Variants in RRBP1 observed in about 807,000 individuals in gnomAD.
The protein encoded by RRBP1 is ribosome binding protein 1.
A neutral mutation model predicts 165.2 loss-of-function variants in RRBP1; 94 were observed. The ratio of observed to expected loss-of-function variants is 0.57; its 90% CI spans 0.48 to 0.68. The LOEUF (loss-of-function observed/expected upper bound fraction) is 0.68, where lower values mean the gene tolerates loss of function less well. RRBP1 is among the 30% of genes least tolerant of loss of function. RRBP1 has a pLI of 0.00. For synonymous variants in RRBP1, 680 were observed against 714.5 expected, an observed-to-expected ratio of 0.95 and a Z score of 0.77; for missense variants, 1,676 against 1,763.0, an observed-to-expected ratio of 0.95 and a Z score of 0.88.
At chr20:17,674,393 G>A (rs970499352) in intron 2 of RRBP1, among the ~76,000 whole-genome samples, 1 of 152,182 alleles carries the variant, frequency 6.6e-6, no homozygotes, top group Admixed American at 6.5e-5. Context: ...TGAGGCAGGA[G>A]AGGAACCTTG....
At chr20:17,644,035 C>A (rs1479417173) in intron 3 of RRBP1, among the ~76,000 whole-genome samples, 2 of 148,842 alleles carry the variant, frequency 1.3e-5, no homozygotes, top group Non-Finnish European at 2.9e-5. Flanking sequence ...AGCAGCCCCT[C>A]AGCTGAGCCC....
chr20:17,662,821 G>C (rs1480283990), intron 2 of RRBP1, among the ~76,000 whole-genome samples: 2 of 151,926 alleles, frequency 1.3e-5, no homozygotes, highest in Non-Finnish European at 2.9e-5. Flanking sequence ...AACTCCTCTG[G>C]GTACTTACAA....
chr20:17,633,811 T>C (rs2036198613), intron 7 of RRBP1, among the ~76,000 whole-genome samples, 198 bp from the exon 8 acceptor site: 1 of 152,200 alleles, frequency 6.6e-6, no homozygotes, highest in African/African-American at 2.4e-5. Flanking sequence ...TTTACCTATA[T>C]AGTGCATGAA....
In RRBP1 at chr20:17,660,417, A is replaced by G. The variant is rs1004484269; in HGVS notation, c.91T>C (p.Phe31Leu). ...SAIGIFLVST[F>L]SMKETSYEEA... ...TCATATGACGTTTCCTTCATGGAGA[A>G]AGTCGACACCAGGAAGATGCCAATG... The change falls in exon 3 of 25, where the codon TTC becomes CTC. Residue 31 changes from phenylalanine (F) to leucine (L), a missense_variant. Physicochemically the swap from Phe to Leu is conservative, Grantham distance 22 (BLOSUM62 0). Coordinates refer to ENST00000377813, the MANE Select transcript of RRBP1 (RefSeq NM_001365613.2). The G allele has an allele frequency of 4.3e-6, 7 of 1,614,044 alleles. No individual in the cohort carries two copies. In the African/African-American group the frequency reaches 6.7e-5, roughly 15 times the overall value.
In RRBP1 at chr20:17,614,724, G is replaced by A. The variant is rs904250083; in HGVS notation, c.4194+13C>T. On this transcript the variant is annotated intron_variant, in intron 24 of 24. Coordinates refer to ENST00000377813, the MANE Select transcript of RRBP1 (RefSeq NM_001365613.2). ...TCGACTCCTCCCGCCCTGCTTTGGCGCCAGGCACGCACTGCCTTTTCCAGC... is the reference window on the plus strand; with the variant it reads ...TCGACTCCTCCCGCCCTGCTTTGGCACCAGGCACGCACTGCCTTTTCCAGC... The A allele has an allele frequency of 1.4e-5, 23 of 1,609,868 alleles. No individual in the cohort carries two copies. The highest frequency in any genetic ancestry group is 2.2e-5 in the East Asian group (1 of 44,884).
intron 3 of RRBP1, among the ~76,000 whole-genome samples, chr20:17,650,285 C>A (rs554379512): frequency 6.6e-6 from 1 of 152,186 alleles, no homozygotes; most frequent in Non-Finnish European, 1.5e-5. Flanking sequence ...TATCTGACAA[C>A]GTGGCAAGAA....
intron 1 of RRBP1, among the ~76,000 whole-genome samples, chr20:17,680,493 C>G (rs1354404373): frequency 6.6e-6 from 1 of 152,116 alleles, no homozygotes; most frequent in African/African-American, 2.4e-5. Flanking sequence ...TCCTCAGGTC[C>G]CTCAGAGTTT....
intron 18 of RRBP1, 192 bp from the exon 19 acceptor site, chr20:17,619,920 C>T (rs1037161301): frequency 2.2e-4 from 124 of 555,226 alleles, no homozygotes; most frequent in African/African-American, 2.2e-3. Context: ...AGGCTGCACC[C>T]GGGCACTCCT....
chr20:17,625,542 C>T lies in RRBP1; in HGVS notation c.3024G>A (p.Glu1008=). 6.2e-7 allele frequency: 1 copy of T among 1,613,946 alleles called. No homozygotes were observed. Residue 1008 remains glutamate (E), a synonymous_variant, in exon 12 of 25, where the codon GAG becomes GAA. Transcript: ENST00000377813. ...GLEKEAIELR[E]AVEQQKVKNN... is the part of the protein sequence containing the mutation. ...TCTTCACTTTCTGCTGCTCGACGGC[C>T]TCCCTGAGCTCGATGGCCTCCTTCT...
Position 17,615,603 on chromosome 20 carries a change from C to T in RRBP1, c.3952-74G>A, listed in dbSNP as rs577402231. On this transcript the variant is annotated intron_variant, in intron 22 of 24. Coordinates refer to ENST00000377813, the MANE Select transcript of RRBP1 (RefSeq NM_001365613.2). ...TGTGCTGTCAAGACCCTACCGAGCA[C>T]GCCTGGGGACCAGGGGGCCCCCCCA... 100 of 1,285,952 alleles carry T rather than the reference C, an allele frequency of 7.8e-5. No individual in the cohort carries two copies. In the African/African-American group the frequency reaches 1.3e-3, roughly 17 times the overall value. 79.7% of individuals were successfully genotyped at this position (1,285,952 alleles called of 1,614,324 possible). A position where few individuals can be genotyped will look rare whatever the true frequency, so the allele number is the denominator to read the frequency against.
intron 8 of RRBP1, among the ~76,000 whole-genome samples, chr20:17,633,021 G>C (rs2036181645): frequency 1.3e-5 from 2 of 152,172 alleles, no homozygotes; most frequent in South Asian, 4.1e-4. Context: ...TACCACAGTG[G>C]GGGCAAGTAT....
At chr20:17,620,694 G>T in intron 17 of RRBP1, 21 bp downstream of exon 17, 1 of 1,585,812 alleles carries the variant, frequency 6.3e-7, no homozygotes, top group Non-Finnish European at 8.6e-7. Context: ...GGCGCCGGGA[G>T]GCAGGCAGGG....
chr20:17,650,138 C>T (rs550500717), intron 3 of RRBP1, among the ~76,000 whole-genome samples: 4 of 151,816 alleles, frequency 2.6e-5, no homozygotes, highest in African/African-American at 7.3e-5. Flanking sequence ...CTTAGAGACA[C>T]ATAATGGAGT....
intron 5 of RRBP1, among the ~76,000 whole-genome samples, chr20:17,640,117 G>A (rs988254896): frequency 1.3e-5 from 2 of 152,216 alleles, no homozygotes; most frequent in African/African-American, 4.8e-5. Context: ...CTGGCGGCCT[G>A]CTAGGCTGAG....
At chr20:17,671,596 G>A (rs1383612882) in intron 2 of RRBP1, among the ~76,000 whole-genome samples, 1 of 152,182 alleles carries the variant, frequency 6.6e-6, no homozygotes, top group Non-Finnish European at 1.5e-5. Context: ...GGGTGAGAAT[G>A]GGCTTACCTC....
rs913110523 is a variant in RRBP1 at position 17,614,047 on chromosome 20, G to C, written c.*135C>G. ...CTACTTCTGTGGCTCTAAGAGACTT[G>C]TCTCTCATGGCTTCTCTCGGAGCTA... is the stretch of plus-strand genomic sequence containing the variant. On this transcript the variant is annotated 3_prime_UTR_variant, in exon 25 of 25. Transcript: ENST00000377813. The C allele has an allele frequency of 5.9e-5, 50 of 841,946 alleles. No homozygotes were observed. The highest frequency in any genetic ancestry group is 8.8e-5 in the Non-Finnish European group (44 of 501,258). The allele number at this position is 841,946 out of a possible 1,614,324, so 52.2% of individuals were successfully genotyped here.
Position 17,614,103 on chromosome 20 carries a change from G to GATCTC in RRBP1, c.*78_*79insGAGAT. The GATCTC allele has an allele frequency of 7.0e-7, 1 of 1,419,102 alleles. No individual in the cohort carries two copies. The highest frequency in any genetic ancestry group is 1.0e-6 in the Non-Finnish European group (1 of 1,003,002). 87.9% of individuals were successfully genotyped at this position (1,419,102 alleles called of 1,614,324 possible). A position where few individuals can be genotyped will look rare whatever the true frequency, so the allele number is the denominator to read the frequency against. ...AGTTGGGCCTGGATAACGCTGTGTA[G>GATCTC]GTTGGTTGGTTTATTTGTAAGGAAT... On this transcript the variant is annotated 3_prime_UTR_variant, in exon 25 of 25. Transcript: ENST00000377813.
At chr20:17,681,769 C>G (rs2037195098) in intron 1 of RRBP1, among the ~76,000 whole-genome samples, 1 of 150,766 alleles carries the variant, frequency 6.6e-6, no homozygotes, top group Non-Finnish European at 1.5e-5. Context: ...CGCAGCTCCC[C>G]GGACGGCGAG....
chr20:17,638,116 G>A (rs1208993465), intron 5 of RRBP1, among the ~76,000 whole-genome samples: 1 of 152,206 alleles, frequency 6.6e-6, no homozygotes, highest in African/African-American at 2.4e-5. Flanking sequence ...GGAAAGGGAG[G>A]ACAGCTTAGC....
Sources: gnomAD v4.1 joint callset for allele counts (sites outside exome capture counted in the v4.1 genomes callset) on GRCh38, gnomAD v4.1.1 for gene constraint, MANE v1.5 for transcripts, NCBI Gene and HGNC (gene_info 2026-07-23, HGNC 2026-07-21) for gene names.